MACROD2: variants seen among roughly 807,000 people sequenced by gnomAD.
MACROD2 encodes the protein mono-ADP ribosylhydrolase 2.
In MACROD2, 36 loss-of-function variants were observed where a neutral mutation model predicts 70.4. That is an observed-to-expected ratio of 0.51 (90% CI 0.39 to 0.68). MACROD2 has a LOEUF of 0.68. MACROD2 is among the 30% of genes least tolerant of loss of function. The pLI, the probability that MACROD2 is intolerant of heterozygous loss-of-function variation, is 0.00. For missense variants in MACROD2, 496 were observed against 538.4 expected, an observed-to-expected ratio of 0.92 and a Z score of 0.78; for synonymous variants, 172 against 178.8, an observed-to-expected ratio of 0.96 and a Z score of 0.30.
intron 3 of MACROD2, among the ~76,000 whole-genome samples, chr20:14,307,944 A>G (rs980757522): frequency 3.9e-5 from 6 of 152,156 alleles, no homozygotes; most frequent in African/African-American, 1.4e-4. Context: ...GATTGTGTTC[A>G]TCTGCAAAGC....
chr20:14,713,344 T>C (rs889631240), intron 5 of MACROD2, among the ~76,000 whole-genome samples: 3 of 152,176 alleles, frequency 2.0e-5, no homozygotes, highest in Non-Finnish European at 2.9e-5. Context: ...AATGAAGAAC[T>C]AGATCAAGAT....
intron 3 of MACROD2, among the ~76,000 whole-genome samples, chr20:14,194,121 T>C (rs2081410980): frequency 6.6e-6 from 1 of 152,144 alleles, no homozygotes; most frequent in South Asian, 2.1e-4. Context: ...AGGTACCTAC[T>C]CACTCTTAAT....
At chr20:15,193,385 G>T (rs2076584394) in intron 5 of MACROD2, among the ~76,000 whole-genome samples, 1 of 152,128 alleles carries the variant, frequency 6.6e-6, no homozygotes, top group Non-Finnish European at 1.5e-5. Context: ...ACAGTTGATA[G>T]AACTGGGAGA....
At chr20:16,014,572 A>C (rs896040443) in intron 15 of MACROD2, among the ~76,000 whole-genome samples, 3 of 152,232 alleles carry the variant, frequency 2.0e-5, no homozygotes, top group African/African-American at 7.2e-5. Flanking sequence ...TCTGTGTGCT[A>C]GGGAAGACTC....
At chr20:14,965,669 T>C (rs2423878) in intron 5 of MACROD2, among the ~76,000 whole-genome samples, 35,591 of 149,928 alleles carry the variant, frequency 0.24, 5,864 homozygotes, top group African/African-American at 0.44. Flanking sequence ...GCGGTTTCAC[T>C]GTGTTAGCCA....
At chr20:15,595,454 A>C (rs1294171627) in intron 8 of MACROD2, among the ~76,000 whole-genome samples, 1 of 152,182 alleles carries the variant, frequency 6.6e-6, no homozygotes, top group Non-Finnish European at 1.5e-5. Context: ...ACTGAGAAAA[A>C]TTTGGAGAGA....
At chr20:14,004,507 T>G (rs2148611729) in intron 2 of MACROD2, among the ~76,000 whole-genome samples, 1 of 152,340 alleles carries the variant, frequency 6.6e-6, no homozygotes, top group Non-Finnish European at 1.5e-5. Flanking sequence ...CTCTTCCTTT[T>G]TCATGAAGTG....
chr20:14,938,878 G>A (rs1211300609), intron 5 of MACROD2, among the ~76,000 whole-genome samples: 1 of 149,898 alleles, frequency 6.7e-6, no homozygotes, highest in African/African-American at 2.5e-5. Flanking sequence ...AAATCAAATG[G>A]CCATTTATGT....
chr20:14,257,268 G>C (rs1473993877), intron 3 of MACROD2, among the ~76,000 whole-genome samples: 2 of 126,524 alleles, frequency 1.6e-5, no homozygotes, highest in Non-Finnish European at 3.2e-5. Context: ...CCAAGGTCTA[G>C]AGGAATAATA....
intron 5 of MACROD2, among the ~76,000 whole-genome samples, chr20:14,941,088 G>A (rs976965352): frequency 3.9e-5 from 6 of 151,908 alleles, no homozygotes; most frequent in African/African-American, 1.5e-4. Context: ...AGTTTGTTGA[G>A]GTTTTTTATT....
intron 8 of MACROD2, among the ~76,000 whole-genome samples, chr20:15,753,915 T>G (rs1014188040): frequency 1.3e-5 from 2 of 152,196 alleles, no homozygotes; most frequent in Non-Finnish European, 2.9e-5. Context: ...CAACTTGAAT[T>G]TAAAATATAT....
In MACROD2 at chr20:14,752,911, C is replaced by T. The variant is rs6042902; in HGVS notation, c.418+67952C>T. On this transcript the variant is annotated intron_variant, in intron 5 of 17. Coordinates refer to ENST00000684519, the MANE Select transcript of MACROD2 (RefSeq NM_001351661.2). ...TGATTGAGTTTGCCTCTCTAGGGAACGGTGGTCTGATTTCATAGCACATCT... is the reference window on the plus strand; with the variant it reads ...TGATTGAGTTTGCCTCTCTAGGGAATGGTGGTCTGATTTCATAGCACATCT... Among the ~76,000 whole-genome samples, 933 of 152,116 alleles carry T rather than the reference C, an allele frequency of 6.1e-3. 13 individuals are homozygous for T. Among genetic ancestry groups the T allele is most frequent in the African/African-American group, 0.021 (887 of 41,444 alleles).
intron 3 of MACROD2, among the ~76,000 whole-genome samples, chr20:14,262,008 G>A (rs1277526327): frequency 6.6e-6 from 1 of 152,164 alleles, no homozygotes; most frequent in African/African-American, 2.4e-5. Context: ...CTAAAAGCTG[G>A]AGAGGAGACA....
chr20:15,082,529 T>TC (rs1486449623), intron 5 of MACROD2, among the ~76,000 whole-genome samples: 2 of 136,188 alleles, frequency 1.5e-5, no homozygotes, highest in African/African-American at 5.3e-5. Flanking sequence ...AGAGGTTTTT[T>TC]TTTTTTTTTT....
intron 5 of MACROD2, among the ~76,000 whole-genome samples, chr20:14,993,181 C>T (rs1160191884): frequency 6.6e-6 from 1 of 151,910 alleles, no homozygotes; most frequent in Non-Finnish European, 1.5e-5. Flanking sequence ...TGTTTAACTG[C>T]CCCTTGCTAT....
At chr20:14,620,681 G>T (rs1159829515) in intron 4 of MACROD2, among the ~76,000 whole-genome samples, 1 of 151,982 alleles carries the variant, frequency 6.6e-6, no homozygotes, top group Non-Finnish European at 1.5e-5. Flanking sequence ...AATTATAGCT[G>T]CAGGATGTGG....
chr20:16,009,799 A>G (rs1342232456), intron 15 of MACROD2, among the ~76,000 whole-genome samples: 1 of 152,178 alleles, frequency 6.6e-6, no homozygotes, highest in Admixed American at 6.5e-5. Context: ...AGCAGGAGAC[A>G]GAAACACCGC....
chr20:14,591,854 T>C (rs893332007), intron 4 of MACROD2, among the ~76,000 whole-genome samples: 4 of 152,308 alleles, frequency 2.6e-5, no homozygotes, highest in African/African-American at 9.6e-5. Flanking sequence ...TGGAAAAATA[T>C]AAAAATATGA....
intron 3 of MACROD2, among the ~76,000 whole-genome samples, chr20:14,390,986 A>AG (rs35906932): frequency 0.14 from 20,858 of 152,212 alleles, 1,952 homozygotes; most frequent in South Asian, 0.36. Context: ...GATGCTGGCA[A>AG]GGTTGTGGAG....
Sources: allele counts gnomAD v4.1 joint callset (sites outside exome capture counted in the v4.1 genomes callset), GRCh38; gene constraint gnomAD v4.1.1; transcripts MANE v1.5; gene names NCBI Gene and HGNC (gene_info 2026-07-23, HGNC 2026-07-21).